Variants in ITGB6 observed in about 807,000 individuals in gnomAD.
ITGB6 encodes integrin subunit beta 6.
In ITGB6, 80 loss-of-function variants were observed where a neutral mutation model predicts 84.5. The ratio of observed to expected loss-of-function variants is 0.95; its 90% CI spans 0.79 to 1.14. The LOEUF is 1.14. Among genes scored for constraint, ITGB6 ranks in the 50% most tolerant of loss-of-function variants. The probability of loss-of-function intolerance (pLI) is 0.00; values close to 1 mark genes in which losing one functional copy is unlikely to be tolerated. For missense variants in ITGB6, 1,006 were observed against 968.0 expected (o/e 1.04, Z -0.52); for synonymous variants, 383 against 354.9 (o/e 1.08, Z -0.89).
At chr2:160,120,088 C>T (rs1023870211) in intron 12 of ITGB6, among the ~76,000 whole-genome samples, 16 of 151,416 alleles carry the variant, frequency 1.1e-4, no homozygotes, top group African/African-American at 3.9e-4. Flanking sequence ...ACTAGTTCAA[C>T]CATTGTGGAA....
At chr2:160,106,758 T>C (rs1696924605) in intron 14 of ITGB6, among the ~76,000 whole-genome samples, 1 of 152,208 alleles carries the variant, frequency 6.6e-6, no homozygotes, top group South Asian at 2.1e-4. Context: ...GATAAATTTA[T>C]CAAAAATGGA....
intron 2 of ITGB6, among the ~76,000 whole-genome samples, chr2:160,196,969 C>A (rs1237932883): frequency 6.6e-6 from 1 of 152,076 alleles, no homozygotes; most frequent in Non-Finnish European, 1.5e-5. Flanking sequence ...ACATCTCCCC[C>A]ATCTAGCACT....
At chr2:160,191,233 C>T (rs970439367) in intron 4 of ITGB6, among the ~76,000 whole-genome samples, 7 of 152,108 alleles carry the variant, frequency 4.6e-5, no homozygotes, top group African/African-American at 1.7e-4. Flanking sequence ...CTTTATAACT[C>T]TTTATAGAAA....
intron 7 of ITGB6, among the ~76,000 whole-genome samples, chr2:160,157,574 G>A (rs1232643384): frequency 1.3e-5 from 2 of 152,080 alleles, no homozygotes; most frequent in African/African-American, 4.8e-5. Context: ...ACATGCCTAT[G>A]TCTATATATG....
intron 4 of ITGB6, among the ~76,000 whole-genome samples, chr2:160,192,131 CT>C (rs1452385589): frequency 1.3e-5 from 2 of 151,904 alleles, no homozygotes; most frequent in Non-Finnish European, 2.9e-5. Flanking sequence ...CAAGTTGATT[CT>C]AAAATTTATA....
intron 7 of ITGB6, among the ~76,000 whole-genome samples, chr2:160,157,042 T>C (rs920706761): frequency 6.6e-6 from 1 of 152,172 alleles, no homozygotes; most frequent in Non-Finnish European, 1.5e-5. Flanking sequence ...CTTTATAGCT[T>C]CTGGCAGCAA....
In ITGB6 at chr2:160,195,421, G is replaced by T; in HGVS notation, c.541C>A (p.Pro181Thr). The T allele has an allele frequency of 6.2e-7, 1 of 1,614,186 alleles. No individual in the cohort carries two copies. Among genetic ancestry groups the T allele is most frequent in the Non-Finnish European group, 8.5e-7 (1 of 1,180,000 alleles). ...RLGFGSFVEK[P>T]VSPFVKTTPE... ...GTTGTTTTCACAAAAGGGGATACAG[G>T]TTTTTCCACAAAAGATCCGAAGCCC... is the stretch of plus-strand genomic sequence containing the variant. Residue 181 changes from proline to threonine, a missense_variant, in exon 4 of 15, where the codon CCT (proline) becomes ACT (threonine). Physicochemically the swap from Pro to Thr is conservative, Grantham distance 38. Coordinates refer to ENST00000283249, the MANE Select transcript of ITGB6 (RefSeq NM_000888.5).
chr2:160,196,122 A>G, intron 3 of ITGB6, 94 bp downstream of exon 3: 6 of 1,011,536 alleles, frequency 5.9e-6, no homozygotes, highest in South Asian at 2.8e-5. Flanking sequence ...ATAATAATCA[A>G]TGATATGTAA....
At chr2:160,179,915 T>G (rs1685591582) in intron 4 of ITGB6, among the ~76,000 whole-genome samples, 1 of 130,540 alleles carries the variant, frequency 7.7e-6, no homozygotes, top group African/African-American at 3.0e-5. Flanking sequence ...CAGACCAACA[T>G]GATGAAACCC....
At chr2:160,151,932 C>A (rs1464060768) in intron 7 of ITGB6, among the ~76,000 whole-genome samples, 1 of 152,056 alleles carries the variant, frequency 6.6e-6, no homozygotes, top group African/African-American at 2.4e-5. Flanking sequence ...CAATAACAGG[C>A]TCCAAAATTG....
intron 4 of ITGB6, among the ~76,000 whole-genome samples, chr2:160,189,435 A>T (rs1209713875): frequency 2.0e-5 from 3 of 152,170 alleles, no homozygotes; most frequent in Admixed American, 2.0e-4. Flanking sequence ...AATGGGAGAA[A>T]ATTTTCGCAA....
Position 160,174,120 on chromosome 2 carries a change from A to C in ITGB6, c.613T>G (p.Leu205Val), listed in dbSNP as rs1559197531. The change falls in exon 5 of 15, where the codon TTA (leucine) becomes GTA (valine). Residue 205 changes from leucine (L) to valine (V), a missense_variant. Coordinates refer to ENST00000283249, the MANE Select transcript of ITGB6 (RefSeq NM_000888.5). The stretch of plus-strand genomic sequence containing the variant: ...ATGTGCTTGAATCCAAATGTAGGTA[A>C]ACAGAAGTATGGAATACTACTGCAA... Reference protein sequence around the residue: ...NPCSSIPYFCLPTFGFKHILP... With the variant: ...NPCSSIPYFCVPTFGFKHILP... 1.2e-6 allele frequency: 2 copies of C among 1,608,896 alleles called. No homozygotes were observed. The highest frequency in any genetic ancestry group is 4.5e-5 in the East Asian group (2 of 44,738).
At chr2:160,138,301 C>G (rs1683854144) in intron 8 of ITGB6, 102 bp from the exon 9 acceptor site, 5 of 1,153,804 alleles carry the variant, frequency 4.3e-6, no homozygotes, top group Non-Finnish European at 4.8e-6. Context: ...ATAAATAAAA[C>G]TAAATTGGGT....
chr2:160,131,483 T>C (rs1018180034), intron 10 of ITGB6, among the ~76,000 whole-genome samples: 3 of 152,118 alleles, frequency 2.0e-5, no homozygotes, highest in Non-Finnish European at 2.9e-5. Context: ...CTGTTGCAAA[T>C]AAAACAACAG....
At position 160,196,401 on chromosome 2, in the gene ITGB6, C is replaced by G; in HGVS notation, c.161G>C (p.Gly54Ala). The G allele has an allele frequency of 6.2e-7, 1 of 1,611,948 alleles. No homozygotes were observed. ...CAQENFTHPSGVGERCDTPAN... is the reference protein window; with the variant it reads ...CAQENFTHPSAVGERCDTPAN... ...TGGGGTATCACACCTTTCGCCAACT[C>G]CAGATGGATGAGTAAAATTCTAAAA... Residue 54 changes from glycine to alanine, a missense_variant, in exon 3 of 15, where the codon GGA (glycine) becomes GCA (alanine). By Grantham distance (60) the Gly-to-Ala change is moderately conservative. Transcript: ENST00000283249.
chr2:160,157,769 A>T (rs1257520620), intron 7 of ITGB6, among the ~76,000 whole-genome samples: 1 of 150,572 alleles, frequency 6.6e-6, no homozygotes. Context: ...AAAAAAAAAA[A>T]ATCCTAGGGG....
At chr2:160,169,183 A>C in intron 7 of ITGB6, 29 bp downstream of exon 7, 2 of 1,311,834 alleles carry the variant, frequency 1.5e-6, no homozygotes, top group Non-Finnish European at 2.2e-6. Context: ...AATCTCCTTG[A>C]AGGAATTTCC....
intron 10 of ITGB6, among the ~76,000 whole-genome samples, chr2:160,129,875 C>T (rs759222931): frequency 8.6e-5 from 13 of 151,860 alleles, no homozygotes; most frequent in Non-Finnish European, 1.9e-4. Context: ...AAATTGGATT[C>T]TGATTTCTGT....
intron 7 of ITGB6, among the ~76,000 whole-genome samples, chr2:160,167,805 G>C (rs1220713014): frequency 6.6e-6 from 1 of 152,108 alleles, no homozygotes; most frequent in African/African-American, 2.4e-5. Flanking sequence ...GGTAGTCTAT[G>C]TTCACGATCA....
Sources: allele counts gnomAD v4.1 joint callset (sites outside exome capture counted in the v4.1 genomes callset), GRCh38; gene constraint gnomAD v4.1.1; transcripts MANE v1.5; gene names NCBI Gene and HGNC (gene_info 2026-07-23, HGNC 2026-07-21).